Variants in MYO5C observed in about 807,000 individuals in gnomAD.
MYO5C encodes myosin VC, also known as unconventional myosin-Vc.
Under a neutral mutation model 235.7 loss-of-function variants are expected in MYO5C, and 194 were observed. The ratio of observed to expected loss-of-function variants is 0.82; its 90% CI spans 0.73 to 0.93. The LOEUF is 0.93. Among genes scored for constraint, MYO5C ranks in the 40% least tolerant of loss-of-function variants. MYO5C has a pLI of 0.00. For missense variants in MYO5C, 2,038 were observed against 2,127.2 expected, an observed-to-expected ratio of 0.96 and a Z score of 0.82; for synonymous variants, 707 against 754.8, an observed-to-expected ratio of 0.94 and a Z score of 1.04.
In MYO5C at chr15:52,224,984, G is replaced by A. The variant is rs780593485; in HGVS notation, c.3366-3C>T. ...GTTCCAGATCTTCCACAGAGAGCCT[G>A]CAAAATAAGGAAGATAAGAAAATCT... On this transcript the variant is annotated splice_region_variant and splice_polypyrimidine_tract_variant and intron_variant, in intron 27 of 40. Transcript: ENST00000261839. The A allele has an allele frequency of 8.1e-6, 13 of 1,613,740 alleles. No homozygotes were observed. The highest frequency in any genetic ancestry group is 8.0e-5 in the African/African-American group (6 of 74,876).
chr15:52,235,409 C>T (rs1049876468), intron 23 of MYO5C, among the ~76,000 whole-genome samples: 2 of 152,204 alleles, frequency 1.3e-5, no homozygotes, highest in Non-Finnish European at 2.9e-5. Flanking sequence ...GTCCGACCAT[C>T]TGTACTTTGC....
intron 1 of MYO5C, among the ~76,000 whole-genome samples, chr15:52,283,392 T>C (rs2037200240): frequency 6.6e-6 from 1 of 152,198 alleles, no homozygotes; most frequent in Non-Finnish European, 1.5e-5. Context: ...GTTACAGCAA[T>C]GTCATCATAA....
At chr15:52,219,685 T>C (rs1380671863) in intron 31 of MYO5C, 74 bp downstream of exon 31, 1 of 1,195,910 alleles carries the variant, frequency 8.4e-7, no homozygotes, top group Non-Finnish European at 1.2e-6. Context: ...TAGTAACACA[T>C]CTTGGTATAT....
intron 1 of MYO5C, among the ~76,000 whole-genome samples, chr15:52,290,320 A>T (rs953659058): frequency 2.6e-5 from 4 of 152,100 alleles, no homozygotes; most frequent in Admixed American, 1.3e-4. Context: ...CATACATAAT[A>T]CAATGGATAC....
At chr15:52,250,250 T>G (rs1163238537) in intron 13 of MYO5C, among the ~76,000 whole-genome samples, 2 of 108,634 alleles carry the variant, frequency 1.8e-5, no homozygotes, top group East Asian at 1.0e-3. Context: ...TTCTTTTTCT[T>G]TTTTTTTTTT....
At chr15:52,246,716 C>A (rs759337908) in intron 16 of MYO5C, among the ~76,000 whole-genome samples, 6 of 152,034 alleles carry the variant, frequency 3.9e-5, no homozygotes, top group African/African-American at 1.2e-4. Flanking sequence ...CAAATCTAGC[C>A]CTTTTGCTTA....
chr15:52,198,754 G>C (rs971105910), intron 38 of MYO5C, among the ~76,000 whole-genome samples: 1 of 151,256 alleles, frequency 6.6e-6, no homozygotes, highest in African/African-American at 2.4e-5. Context: ...GCTAATTTTT[G>C]TATTTTTAGT....
At chr15:52,199,174 G>A (rs182921332) in intron 38 of MYO5C, among the ~76,000 whole-genome samples, 23 of 152,318 alleles carry the variant, frequency 1.5e-4, no homozygotes, top group African/African-American at 4.3e-4. Context: ...ATTTACAGGC[G>A]TGAGCCACCA....
At chr15:52,231,455 C>T (rs1248173148) in intron 24 of MYO5C, among the ~76,000 whole-genome samples, 2 of 152,186 alleles carry the variant, frequency 1.3e-5, no homozygotes, top group Non-Finnish European at 2.9e-5. Context: ...GGTCCCTGCA[C>T]GTGGACAGAT....
chr15:52,228,813 T>G (rs1380972425), intron 25 of MYO5C, among the ~76,000 whole-genome samples: 1 of 152,236 alleles, frequency 6.6e-6, no homozygotes, highest in Non-Finnish European at 1.5e-5. Flanking sequence ...GTTTATAGAT[T>G]TATAGTGATG....
chr15:52,214,771 G>A (rs1467684774), intron 32 of MYO5C, 81 bp from the exon 33 acceptor site: 9 of 837,620 alleles, frequency 1.1e-5, no homozygotes, highest in Non-Finnish European at 1.4e-5. Context: ...CAGCTTTATT[G>A]ACATACAATT....
intron 32 of MYO5C, among the ~76,000 whole-genome samples, chr15:52,217,138 T>C (rs2035573090): frequency 1.3e-5 from 2 of 152,232 alleles, no homozygotes; most frequent in Admixed American, 1.3e-4. Context: ...CATTTGTGGG[T>C]AGAATCCGCC....
At position 52,219,105 on chromosome 15, in the gene MYO5C, C is replaced by A. The variant is rs183298515; in HGVS notation, c.3786-418G>T. Among the ~76,000 whole-genome samples the A allele has an allele frequency of 4.8e-3, 729 of 151,922 alleles. 14 individuals carry two copies. Among genetic ancestry groups the A allele is most frequent in the Admixed American group, 0.025 (385 of 15,288 alleles). On this transcript the variant is annotated intron_variant, in intron 31 of 40. Transcript: ENST00000261839. ...TTAGAAGAGTTCCAAAATGGTGCCTCGCTCCTTTTCCACTACTTTGGGTCC... is the reference window on the plus strand; with the variant it reads ...TTAGAAGAGTTCCAAAATGGTGCCTAGCTCCTTTTCCACTACTTTGGGTCC...
At chr15:52,248,495 C>T (rs1046356737) in intron 14 of MYO5C, among the ~76,000 whole-genome samples, 1 of 152,020 alleles carries the variant, frequency 6.6e-6, no homozygotes, top group African/African-American at 2.4e-5. Flanking sequence ...CTGTCATCTG[C>T]ATGTTTGATT....
intron 1 of MYO5C, among the ~76,000 whole-genome samples, chr15:52,289,243 GC>G (rs1172518243): frequency 6.6e-6 from 1 of 151,464 alleles, no homozygotes; most frequent in East Asian, 2.0e-4. Flanking sequence ...CTCATGATAG[GC>G]TGTTTCTGGA....
Position 52,237,566 on chromosome 15 carries a change from C to G in MYO5C, c.2784G>C (p.Lys928Asn), listed in dbSNP as rs1024890427. ...CTGCTTTTTCTAGTTCTGCTTCCAG[C>G]TTCTGAATCTTTTCCACATCCCCAG... ...LRAGDVEKIQ[K>N]LEAELEKAAT... Residue 928 changes from lysine to asparagine, a missense_variant, in exon 22 of 41, where the codon AAG (lysine) becomes AAC (asparagine). Physicochemically the swap from Lys to Asn is moderately conservative, Grantham distance 94 (BLOSUM62 0). Coordinates refer to ENST00000261839, the MANE Select transcript of MYO5C (RefSeq NM_018728.4). The G allele has an allele frequency of 6.2e-7, 1 of 1,614,194 alleles. No homozygotes were observed. Among genetic ancestry groups the G allele is most frequent in the Non-Finnish European group, 8.5e-7 (1 of 1,180,046 alleles).
chr15:52,195,314 G>T, intron 40 of MYO5C, 63 bp downstream of exon 40: 2 of 1,063,134 alleles, frequency 1.9e-6, no homozygotes, highest in Admixed American at 2.1e-5. Context: ...TGTTAATTAA[G>T]TATCAACATC....
intron 34 of MYO5C, 111 bp from the exon 35 acceptor site, chr15:52,211,995 C>A: frequency 9.3e-7 from 1 of 1,073,920 alleles, no homozygotes; most frequent in African/African-American, 1.6e-5. Context: ...GACACAGTGC[C>A]TGAATGTATA....
intron 10 of MYO5C, among the ~76,000 whole-genome samples, chr15:52,258,014 G>A (rs74015648): frequency 0.015 from 2,248 of 152,312 alleles, 53 homozygotes; most frequent in African/African-American, 0.044. Flanking sequence ...TCTGCTCATG[G>A]AAGCAAGGCC....
Sources: gnomAD v4.1 joint callset for allele counts (sites outside exome capture counted in the v4.1 genomes callset) on GRCh38, gnomAD v4.1.1 for gene constraint, MANE v1.5 for transcripts, NCBI Gene and HGNC (gene_info 2026-07-23, HGNC 2026-07-21) for gene names.